Variants in LRIG1 observed in about 807,000 individuals in gnomAD.
LRIG1 encodes leucine rich repeats and immunoglobulin like domains 1.
A neutral mutation model predicts 99.2 loss-of-function variants in LRIG1; 48 were observed. That is an observed-to-expected ratio of 0.48 (90% CI 0.38 to 0.62). The LOEUF (loss-of-function observed/expected upper bound fraction) is 0.62, where lower values mean the gene tolerates loss of function less well. Ranked by LOEUF, LRIG1 falls within the 20% of genes least tolerant of loss-of-function variation. LRIG1 has a pLI of 0.00. For missense variants in LRIG1, 1,646 were observed against 1,434.4 expected (o/e 1.15, Z -2.38); for synonymous variants, 772 against 596.1 (o/e 1.29, Z -4.30).
chr3:66,383,211 C>T lies in LRIG1; in HGVS notation c.2262G>A (p.Val754=). ...AGGTATATCGGCCCGCATCCTCTGC[C>T]ACCACGTTCTGAACCACCAGGAGCT... is the stretch of plus-strand genomic sequence containing the variant. ...DNQLLVVQNV[V]AEDAGRYTCE... Residue 754 remains valine, a synonymous_variant, in exon 15 of 19, where the codon GTG becomes GTA. Transcript: ENST00000273261. 1 of 1,614,254 alleles carries T rather than the reference C, an allele frequency of 6.2e-7. No homozygotes were observed. Among genetic ancestry groups the T allele is most frequent in the East Asian group, 2.2e-5 (1 of 44,872 alleles).
intron 1 of LRIG1, among the ~76,000 whole-genome samples, chr3:66,476,808 C>A (rs1700732374): frequency 6.6e-6 from 1 of 152,198 alleles, no homozygotes; most frequent in Admixed American, 6.5e-5. Flanking sequence ...TTCCCAACTA[C>A]ACTGGTATCT....
rs142001285 is a variant in LRIG1, at chr3:66,415,005, G to A, written c.562C>T (p.Arg188Trp). ...CTCAGGCGAAGAGTTAGCAGCGACC[G>A]TGACAGACCATCAAATGCTCCCAAC... is the stretch of plus-strand genomic sequence containing the variant. ...LELGAFDGLSRSLLTLRLSKN... is the reference protein window; with the variant it reads ...LELGAFDGLSWSLLTLRLSKN... The change falls in exon 5 of 19, where the codon CGG becomes TGG. Residue 188 changes from arginine (R) to tryptophan (W), a missense_variant. By Grantham distance (101) the Arg-to-Trp change is moderately radical (BLOSUM62 -3). Transcript: ENST00000273261. 9.9e-6 allele frequency: 16 copies of A among 1,612,590 alleles called. No homozygotes were observed. The highest frequency in any genetic ancestry group is 1.6e-4 in the Middle Eastern group (1 of 6,076).
intron 9 of LRIG1, among the ~76,000 whole-genome samples, chr3:66,400,339 C>T (rs773616971): frequency 1.1e-4 from 17 of 152,158 alleles, no homozygotes; most frequent in Non-Finnish European, 2.4e-4. Flanking sequence ...TGATGAGAAC[C>T]CACCAAAGGC....
At chr3:66,417,891 T>A (rs1702662735) in intron 3 of LRIG1, among the ~76,000 whole-genome samples, 1 of 152,036 alleles carries the variant, frequency 6.6e-6, no homozygotes, top group African/African-American at 2.4e-5. Flanking sequence ...TCCCTGAACC[T>A]CCCGACTCTA....
At chr3:66,424,217 C>T (rs375126656) in intron 3 of LRIG1, among the ~76,000 whole-genome samples, 2 of 152,146 alleles carry the variant, frequency 1.3e-5, no homozygotes, top group African/African-American at 2.4e-5. Context: ...GATTCCCCAG[C>T]ATCTGGATGA....
At chr3:66,391,107 T>A (rs1701598783) in intron 12 of LRIG1, among the ~76,000 whole-genome samples, 1 of 152,102 alleles carries the variant, frequency 6.6e-6, no homozygotes, top group East Asian at 1.9e-4. Flanking sequence ...AAAACCACCA[T>A]GAGACTCTAT....
rs60055293 is a variant in LRIG1 at position 66,485,155 on chromosome 3, C to CA, written c.218+15034dup. ...CCTGGGTGACAGATTAAGACCCTCT[C>CA]AAAAAAAAAAAAAAAAGGAAAAATT... On this transcript the variant is annotated intron_variant, in intron 1 of 18. Coordinates refer to ENST00000273261, the MANE Select transcript of LRIG1 (RefSeq NM_015541.3). Among the ~76,000 whole-genome samples the CA allele has an allele frequency of 8.1e-3, 1,017 of 126,256 alleles. 18 individuals are homozygous for CA. Among genetic ancestry groups the CA allele is most frequent in the African/African-American group, 0.03 (933 of 31,524 alleles). The allele number at this position is 126,256 out of a possible 152,430, so 82.8% of individuals were successfully genotyped here.
chr3:66,401,630 G>A (rs2107990575), intron 9 of LRIG1: 1 of 1,529,310 alleles, frequency 6.5e-7, no homozygotes, highest in East Asian at 2.5e-5. Flanking sequence ...AGACATATGG[G>A]GCTGGGACGG....
At chr3:66,405,891 C>A in intron 8 of LRIG1, 1 of 1,042,572 alleles carries the variant, frequency 9.6e-7, no homozygotes, top group Non-Finnish European at 1.2e-6. Flanking sequence ...GCCAACTCAG[C>A]CCAGGCCCCT....
Position 66,406,423 on chromosome 3 carries a change from C to T in LRIG1, c.1079+925G>A, listed in dbSNP as rs188915343. ...TTGTTATTTGGGCCTTGTATGGGCTCACAGGCTGACCTGGCCTGAATAGCT... is the reference window on the plus strand; with the variant it reads ...TTGTTATTTGGGCCTTGTATGGGCTTACAGGCTGACCTGGCCTGAATAGCT... On this transcript the variant is annotated intron_variant, in intron 8 of 18. Coordinates refer to ENST00000273261, the MANE Select transcript of LRIG1 (RefSeq NM_015541.3). 1.4e-4 allele frequency: 142 copies of T among 985,400 alleles called. 2 individuals are homozygous for T. The African/African-American group carries it at 2.0e-3, about 14-fold the overall frequency. 61.0% of individuals were successfully genotyped at this position (985,400 alleles called of 1,614,324 possible). A position where few individuals can be genotyped will look rare whatever the true frequency, so the allele number is the denominator to read the frequency against.
At chr3:66,422,316 G>A (rs1702846101) in intron 3 of LRIG1, among the ~76,000 whole-genome samples, 2 of 152,150 alleles carry the variant, frequency 1.3e-5, no homozygotes, top group Admixed American at 6.6e-5. Flanking sequence ...AAACTTTTAT[G>A]TTCTGTTTCC....
chr3:66,498,377 C>T (rs540349040), intron 1 of LRIG1: 1 of 152,070 alleles, frequency 6.6e-6, no homozygotes, highest in Non-Finnish European at 1.5e-5. Flanking sequence ...AATTAAAGGG[C>T]AAGGCAAAGT....
At chr3:66,482,391 G>C (rs551068401) in intron 1 of LRIG1, among the ~76,000 whole-genome samples, 1 of 152,298 alleles carries the variant, frequency 6.6e-6, no homozygotes, top group African/African-American at 2.4e-5. Flanking sequence ...AACAAAGGAA[G>C]GAAACTGAAA....
chr3:66,472,852 T>G (rs1479878283), intron 1 of LRIG1, among the ~76,000 whole-genome samples: 1 of 152,228 alleles, frequency 6.6e-6, no homozygotes, highest in African/African-American at 2.4e-5. Context: ...CACTCTTGTC[T>G]AGGACTTTCC....
intron 13 of LRIG1, 74 bp from the exon 14 acceptor site, chr3:66,384,346 C>A (rs1701258403): frequency 6.8e-7 from 1 of 1,474,914 alleles, no homozygotes; most frequent in South Asian, 1.3e-5. Context: ...CTGGCAAACA[C>A]CTACCTGTCA....
At chr3:66,481,708 T>C (rs1159268342) in intron 1 of LRIG1, among the ~76,000 whole-genome samples, 1 of 152,252 alleles carries the variant, frequency 6.6e-6, no homozygotes, top group African/African-American at 2.4e-5. Flanking sequence ...TTAAAACCTT[T>C]ACAGGAAGTA....
At chr3:66,421,995 C>T (rs1197753133) in intron 3 of LRIG1, among the ~76,000 whole-genome samples, 3 of 152,206 alleles carry the variant, frequency 2.0e-5, no homozygotes, top group Non-Finnish European at 2.9e-5. Context: ...AGCCATGGTC[C>T]GTGCTCTATG....
chr3:66,383,322 C>T lies in LRIG1; in HGVS notation c.2151G>A (p.Thr717=), dbSNP rs144062290. The change falls in exon 15 of 19, where the codon ACG becomes ACA. Residue 717 remains threonine (T), a synonymous_variant. Coordinates refer to ENST00000273261, the MANE Select transcript of LRIG1 (RefSeq NM_015541.3). ...GETVALQCKA[T]GNPPPRITWF... ...AGGTGATGCGGGGCGGAGGGTTCCC[C>T]GTGGCTTTGCATTGGAGGGCCACTG... 50 of 1,602,226 alleles carry T rather than the reference C, an allele frequency of 3.1e-5. No individual in the cohort carries two copies. The African/African-American group carries it at 3.7e-4, about 12-fold the overall frequency.
At chr3:66,450,303 G>A (rs1331171255) in intron 3 of LRIG1, among the ~76,000 whole-genome samples, 1 of 152,158 alleles carries the variant, frequency 6.6e-6, no homozygotes, top group East Asian at 1.9e-4. Flanking sequence ...ACCAGCCAAT[G>A]ACAGTAACCA....
Sources: gnomAD v4.1 joint callset for allele counts (sites outside exome capture counted in the v4.1 genomes callset) on GRCh38, gnomAD v4.1.1 for gene constraint, MANE v1.5 for transcripts, NCBI Gene and HGNC (gene_info 2026-07-23, HGNC 2026-07-21) for gene names.